Variants in TFAP2B observed in about 807,000 individuals in gnomAD.
TFAP2B encodes the protein transcription factor AP-2-beta.
In TFAP2B, 9 loss-of-function variants were observed where a neutral mutation model predicts 44.3. The observed-to-expected ratio is 0.20, with a 90% CI of 0.12 to 0.35. TFAP2B has a LOEUF of 0.35. Among genes scored for constraint, TFAP2B ranks in the 10% least tolerant of loss-of-function variants. The probability of loss-of-function intolerance (pLI) is 1.00; values close to 1 mark genes in which losing one functional copy is unlikely to be tolerated. For synonymous variants in TFAP2B, 270 were observed against 263.8 expected (o/e 1.02, Z -0.23); for missense variants, 509 against 600.0 (o/e 0.85, Z 1.59).
intron 3 of TFAP2B, among the ~76,000 whole-genome samples, chr6:50,832,905 T>C (rs982481454): frequency 6.6e-6 from 1 of 152,212 alleles, no homozygotes; most frequent in African/African-American, 2.4e-5. Flanking sequence ...ATTGATCTGT[T>C]TTTAGCCTTT....
At position 50,832,882 on chromosome 6, in the gene TFAP2B, A is replaced by G. The variant is rs148458075; in HGVS notation, c.602-3179A>G. On this transcript the variant is annotated intron_variant, in intron 3 of 6. Transcript: ENST00000393655. ...CTCTCTTTTAAATAAAACTCCAGCC[A>G]TGTTAATGAAATATTGATCTGTTTT... is the stretch of plus-strand genomic sequence containing the variant. 1.0e-3 allele frequency among the ~76,000 whole-genome samples: 153 copies of G among 152,290 alleles called. 1 individual carries two copies. The highest frequency in any genetic ancestry group is 1.9e-3 in the Non-Finnish European group (129 of 68,010).
At chr6:50,833,928 T>C (rs1358310381) in intron 3 of TFAP2B, among the ~76,000 whole-genome samples, 1 of 152,220 alleles carries the variant, frequency 6.6e-6, no homozygotes, top group Non-Finnish European at 1.5e-5. Flanking sequence ...AATATGTTGC[T>C]AAGTATAGAG....
intron 3 of TFAP2B, among the ~76,000 whole-genome samples, chr6:50,829,090 G>T (rs544806390): frequency 6.6e-5 from 10 of 152,240 alleles, no homozygotes; most frequent in Middle Eastern, 3.4e-3. Flanking sequence ...TCTTCGTTTT[G>T]TATTTGATTT....
At chr6:50,832,774 A>G (rs1424119987) in intron 3 of TFAP2B, among the ~76,000 whole-genome samples, 2 of 152,254 alleles carry the variant, frequency 1.3e-5, no homozygotes, top group East Asian at 3.8e-4. Context: ...TTTAAAGAGT[A>G]GAGATTAAAA....
rs1267552761 is a variant in TFAP2B, at chr6:50,836,669, C to CA, written c.821+395dup. ...AACTAACAGCCCCCCAGCCCCCCCACAAAAAACCCCATAAGTTTCATGAAG... is the reference window on the plus strand; with the variant it reads ...AACTAACAGCCCCCCAGCCCCCCCACAAAAAAACCCCATAAGTTTCATGAAG... On this transcript the variant is annotated intron_variant, in intron 4 of 6. Coordinates refer to ENST00000393655, the MANE Select transcript of TFAP2B (RefSeq NM_003221.4). 7.9e-5 allele frequency among the ~76,000 whole-genome samples: 12 copies of CA among 152,186 alleles called. No homozygotes were observed. In the South Asian group the frequency reaches 1.2e-3, roughly 16 times the overall value.
chr6:50,840,013 C>T (rs1762694797), intron 5 of TFAP2B, 143 bp from the exon 6 acceptor site: 6 of 1,093,206 alleles, frequency 5.5e-6, no homozygotes, highest in African/African-American at 1.5e-5. Flanking sequence ...ATCATTTTTC[C>T]TTTAGGCATC....
intron 3 of TFAP2B, among the ~76,000 whole-genome samples, chr6:50,835,012 T>C (rs987033031): frequency 2.6e-5 from 4 of 152,188 alleles, no homozygotes; most frequent in Non-Finnish European, 4.4e-5. Flanking sequence ...TGTTCCTCAT[T>C]CCCAGCCTTC....
At chr6:50,825,919 A>G (rs1770490117) in intron 2 of TFAP2B, among the ~76,000 whole-genome samples, 2 of 152,196 alleles carry the variant, frequency 1.3e-5, no homozygotes, top group Admixed American at 1.3e-4. Context: ...CAGCAAAGAC[A>G]GGGACGGTCT....
Position 50,828,697 on chromosome 6 carries a change from C to T in TFAP2B, c.601+18C>T. ...TAAAAAAGGTATGGATAATTCCCCC[C>T]AAAAAGTAAGCAAAGTTCTCTCATG... On this transcript the variant is annotated intron_variant, in intron 3 of 6. Transcript: ENST00000393655. The T allele has an allele frequency of 6.2e-7, 1 of 1,613,756 alleles. No individual in the cohort carries two copies. Among genetic ancestry groups the T allele is most frequent in the Non-Finnish European group, 8.5e-7 (1 of 1,179,788 alleles).
At chr6:50,822,840 G>A (rs975077656) in intron 1 of TFAP2B, among the ~76,000 whole-genome samples, 8 of 152,188 alleles carry the variant, frequency 5.3e-5, no homozygotes, top group African/African-American at 1.7e-4. Flanking sequence ...GGAGCTCTTG[G>A]AATGATCAGG....
At chr6:50,822,198 C>G (rs1374514616) in intron 1 of TFAP2B, 1 of 1,292,938 alleles carries the variant, frequency 7.7e-7, no homozygotes, top group African/African-American at 1.5e-5. Flanking sequence ...ATTGCATGCT[C>G]CCTCCTCTCA....
In TFAP2B at chr6:50,840,317, G is replaced by C; in HGVS notation, c.1082+20G>C. On this transcript the variant is annotated intron_variant, in intron 6 of 6. Coordinates refer to ENST00000393655, the MANE Select transcript of TFAP2B (RefSeq NM_003221.4). ...CACCAAGTGAGTTTATTAGACTCTGGGCCCTCATCTCACTCCCAGCTGGCT... is the reference window on the plus strand; with the variant it reads ...CACCAAGTGAGTTTATTAGACTCTGCGCCCTCATCTCACTCCCAGCTGGCT... The C allele has an allele frequency of 3.1e-6, 5 of 1,612,466 alleles. No individual in the cohort carries two copies. Among genetic ancestry groups the C allele is most frequent in the Non-Finnish European group, 4.2e-6 (5 of 1,179,992 alleles).
intron 1 of TFAP2B, chr6:50,821,781 T>C (rs1193235924): frequency 4.2e-6 from 1 of 240,656 alleles, no homozygotes; most frequent in Non-Finnish European, 8.3e-6. Context: ...TAGTCATGAA[T>C]ATCAATTATT....
intron 3 of TFAP2B, among the ~76,000 whole-genome samples, chr6:50,830,588 G>A (rs1351075711): frequency 6.6e-6 from 1 of 152,210 alleles, no homozygotes; most frequent in Non-Finnish European, 1.5e-5. Flanking sequence ...AATTGATTCA[G>A]AGGGTGTGGT....
intron 1 of TFAP2B, among the ~76,000 whole-genome samples, chr6:50,819,824 G>A (rs1032311816): frequency 6.6e-6 from 1 of 152,022 alleles, no homozygotes; most frequent in Non-Finnish European, 1.5e-5. Flanking sequence ...CGGACTAGGC[G>A]GACGAGGCGG....
chr6:50,843,132 C>T lies in TFAP2B; in HGVS notation c.1123C>T (p.Arg375Trp), dbSNP rs1311113453. 6.2e-7 allele frequency: 1 copy of T among 1,614,120 alleles called. No homozygotes were observed. Among genetic ancestry groups the T allele is most frequent in the African/African-American group, 1.3e-5 (1 of 74,940 alleles). ...KEFTDLLAQD[R>W]TPIGNSRPSP... is the part of the protein sequence containing the mutation. ...ATTTACGGATCTACTGGCGCAGGAC[C>T]GGACACCGATAGGGAACAGCCGACC... is the stretch of plus-strand genomic sequence containing the variant. Residue 375 changes from arginine (R) to tryptophan (W), a missense_variant, in exon 7 of 7, where the codon CGG (arginine) becomes TGG (tryptophan). Physicochemically the swap from Arg to Trp is moderately radical, Grantham distance 101. This residue lies in a region of TFAP2B where 168 missense variants were observed against 183.2 expected (regional missense o/e 0.92). Transcript: ENST00000393655.
At chr6:50,823,891 A>C (rs1370151239) in intron 2 of TFAP2B, 26 bp downstream of exon 2, 2 of 1,531,310 alleles carry the variant, frequency 1.3e-6, no homozygotes, top group Non-Finnish European at 1.8e-6. Context: ...CAAACAAACA[A>C]ACAAAAAAGA....
In TFAP2B at chr6:50,828,198, T is replaced by C. The variant is rs189770120; in HGVS notation, c.541-421T>C. On this transcript the variant is annotated intron_variant, in intron 2 of 6. Coordinates refer to ENST00000393655, the MANE Select transcript of TFAP2B (RefSeq NM_003221.4). Reference sequence around the variant, plus strand: ...TTAATTAAAATCCCATAATGTAAACTATTATGTATTTGTAAAATGGCTCTG... The same window carrying C: ...TTAATTAAAATCCCATAATGTAAACCATTATGTATTTGTAAAATGGCTCTG... Among the ~76,000 whole-genome samples the C allele has an allele frequency of 3.7e-3, 561 of 152,312 alleles. 3 individuals carry two copies. The highest frequency in any genetic ancestry group is 6.8e-3 in the Middle Eastern group (2 of 294).
chr6:50,835,919 C>A, intron 3 of TFAP2B, 142 bp from the exon 4 acceptor site: 1 of 779,400 alleles, frequency 1.3e-6, no homozygotes, highest in Non-Finnish European at 2.3e-6. Flanking sequence ...GAACGCACTG[C>A]AGCCCCACTG....
Sources: allele counts gnomAD v4.1 joint callset (sites outside exome capture counted in the v4.1 genomes callset), GRCh38; gene constraint gnomAD v4.1.1; regional missense constraint gnomAD v4.1.1; transcripts MANE v1.5; gene names NCBI Gene and HGNC (gene_info 2026-07-23, HGNC 2026-07-21).